The following IGFBP2 variants were observed in gnomAD, a reference collection of about 807,000 sequenced individuals.
IGFBP2 encodes the protein insulin like growth factor binding protein 2.
A neutral mutation model predicts 26.2 loss-of-function variants in IGFBP2; 12 were observed. That is an observed-to-expected ratio of 0.46 (90% CI 0.29 to 0.74). The LOEUF (loss-of-function observed/expected upper bound fraction) is 0.74, where lower values mean the gene tolerates loss of function less well. Among genes scored for constraint, IGFBP2 ranks in the 30% least tolerant of loss-of-function variants. IGFBP2 has a pLI of 0.09. For synonymous variants in IGFBP2, 189 were observed against 200.6 expected (o/e 0.94, Z 0.49); for missense variants, 328 against 441.2 (o/e 0.74, Z 2.30).
chr2:216,633,580 G>GCTGCTGCC lies in IGFBP2; in HGVS notation c.64_65insCCTGCTGC (p.Leu22ProfsTer149). ...CGCTGCCGCCGCCGCCGCTGCTGCCGCTGCTGCTGCTGCTACTGGGCGCGA... is the reference window on the plus strand; with the variant it reads ...CGCTGCCGCCGCCGCCGCTGCTGCCGCTGCTGCCCTGCTGCTGCTGCTACTGGGCGCGA... On this transcript the variant is annotated frameshift_variant, in exon 1 of 4. Transcript: ENST00000233809. LOFTEE classifies it high-confidence loss of function. 9.8e-7 allele frequency: 1 copy of GCTGCTGCC among 1,015,918 alleles called. No individual in the cohort carries two copies. Among genetic ancestry groups the GCTGCTGCC allele is most frequent in the Non-Finnish European group, 1.2e-6 (1 of 853,334 alleles). 62.9% of individuals were successfully genotyped at this position (1,015,918 alleles called of 1,614,324 possible).
At chr2:216,641,396 T>C (rs577856215) in intron 1 of IGFBP2, among the ~76,000 whole-genome samples, 11 of 152,314 alleles carry the variant, frequency 7.2e-5, no homozygotes, top group Admixed American at 7.2e-4. Context: ...AAATTGATAG[T>C]ATTTCATTGG....
At chr2:216,634,793 T>C (rs1328289992) in intron 1 of IGFBP2, among the ~76,000 whole-genome samples, 1 of 131,328 alleles carries the variant, frequency 7.6e-6, no homozygotes, top group Non-Finnish European at 1.6e-5. Context: ...AGGGACCCTT[T>C]CCTGTAGGAT....
At chr2:216,641,736 C>T (rs987227458) in intron 1 of IGFBP2, among the ~76,000 whole-genome samples, 11 of 146,608 alleles carry the variant, frequency 7.5e-5, no homozygotes, top group African/African-American at 2.8e-4. Flanking sequence ...GTCGCCCAGG[C>T]TGGAGTGCAG....
intron 1 of IGFBP2, among the ~76,000 whole-genome samples, chr2:216,642,406 A>T (rs1485164674): frequency 6.8e-6 from 1 of 146,744 alleles, no homozygotes; most frequent in East Asian, 2.0e-4. Flanking sequence ...CCTGGGGTTG[A>T]TGCCATTTTC....
intron 1 of IGFBP2, among the ~76,000 whole-genome samples, chr2:216,643,695 T>G (rs1017732742): frequency 3.9e-5 from 6 of 152,032 alleles, no homozygotes; most frequent in African/African-American, 1.4e-4. Context: ...AAAAATCTCA[T>G]AATGTTTTAA....
intron 1 of IGFBP2, among the ~76,000 whole-genome samples, chr2:216,649,153 C>T (rs1697771052): frequency 6.6e-6 from 1 of 152,074 alleles, no homozygotes; most frequent in Admixed American, 6.5e-5. Flanking sequence ...CAATATTGTC[C>T]AAATTGTTTT....
At chr2:216,637,215 G>T (rs1269903346) in intron 1 of IGFBP2, among the ~76,000 whole-genome samples, 1 of 152,124 alleles carries the variant, frequency 6.6e-6, no homozygotes, top group Non-Finnish European at 1.5e-5. Flanking sequence ...CCCCCATCTG[G>T]ACAGAACTCC....
In IGFBP2 at chr2:216,637,226, C is replaced by G. The variant is rs9341110; in HGVS notation, c.442+3261C>G. ...CCTCCCCCCATCTGGACAGAACTCC[C>G]GGCACTAGTTCTGCTAAGCAGCGCT... On this transcript the variant is annotated intron_variant, in intron 1 of 3. Coordinates refer to ENST00000233809, the MANE Select transcript of IGFBP2 (RefSeq NM_000597.3). 9.3e-3 allele frequency among the ~76,000 whole-genome samples: 1,415 copies of G among 152,296 alleles called. 14 individuals carry two copies. Among genetic ancestry groups the G allele is most frequent in the African/African-American group, 0.032 (1,328 of 41,570 alleles).
At chr2:216,663,787 C>A in intron 3 of IGFBP2, 153 bp from the exon 4 acceptor site, 1 of 709,042 alleles carries the variant, frequency 1.4e-6, no homozygotes, top group Non-Finnish European at 2.3e-6. Flanking sequence ...TGCATTTTAT[C>A]AAGGTTTCCT....
chr2:216,655,521 C>T (rs1467503846), intron 1 of IGFBP2, among the ~76,000 whole-genome samples: 1 of 152,200 alleles, frequency 6.6e-6, no homozygotes, highest in African/African-American at 2.4e-5. Context: ...TGAGGCCTCC[C>T]CGCCATGCTG....
intron 1 of IGFBP2, among the ~76,000 whole-genome samples, chr2:216,641,944 C>A (rs1410720754): frequency 6.6e-6 from 1 of 150,696 alleles, no homozygotes; most frequent in African/African-American, 2.4e-5. Context: ...CCTACCTCAG[C>A]CTCCCAAAGT....
intron 1 of IGFBP2, among the ~76,000 whole-genome samples, chr2:216,642,922 G>T (rs1444319107): frequency 1.3e-5 from 2 of 152,132 alleles, no homozygotes; most frequent in African/African-American, 4.8e-5. Flanking sequence ...GTGGGGGAAG[G>T]TCCTCTCTGT....
intron 1 of IGFBP2, among the ~76,000 whole-genome samples, chr2:216,652,660 G>A (rs1031582013): frequency 4.6e-5 from 7 of 152,300 alleles, no homozygotes; most frequent in South Asian, 2.1e-4. Flanking sequence ...TAATGGAGTC[G>A]TCTAGAGAGC....
At chr2:216,663,542 A>G in intron 3 of IGFBP2, 1 of 174,218 alleles carries the variant, frequency 5.7e-6, no homozygotes, top group Non-Finnish European at 1.2e-5. Flanking sequence ...GCACACACTG[A>G]TTTTGATTGC....
At chr2:216,635,022 G>A (rs142865593) in intron 1 of IGFBP2, among the ~76,000 whole-genome samples, 2 of 151,100 alleles carry the variant, frequency 1.3e-5, no homozygotes, top group African/African-American at 4.9e-5. Flanking sequence ...AAAAGCAAGT[G>A]AGTCTTAAGT....
At chr2:216,658,008 C>A (rs1248981689) in intron 1 of IGFBP2, among the ~76,000 whole-genome samples, 1 of 152,052 alleles carries the variant, frequency 6.6e-6, no homozygotes, top group Non-Finnish European at 1.5e-5. Flanking sequence ...CCAAGATCAT[C>A]GTCATCAACG....
intron 3 of IGFBP2, 140 bp downstream of exon 3, chr2:216,662,138 T>A (rs901263864): frequency 1.4e-5 from 14 of 985,598 alleles, no homozygotes; most frequent in Non-Finnish European, 2.1e-5. Context: ...ACCATGGGGA[T>A]TGGGATGCCA....
chr2:216,648,986 C>T (rs1697767740), intron 1 of IGFBP2, among the ~76,000 whole-genome samples: 2 of 152,206 alleles, frequency 1.3e-5, no homozygotes, highest in African/African-American at 2.4e-5. Flanking sequence ...AAGTCTACCA[C>T]CCAGAACCGT....
At chr2:216,659,737 A>G (rs1009460980) in intron 1 of IGFBP2, 8 of 1,535,470 alleles carry the variant, frequency 5.2e-6, no homozygotes, top group Non-Finnish European at 7.0e-6. Context: ...ACGAAGCTTC[A>G]TGCCCTGCAG....
Sources: allele counts gnomAD v4.1 joint callset (sites outside exome capture counted in the v4.1 genomes callset), GRCh38; gene constraint gnomAD v4.1.1; transcripts MANE v1.5; gene names NCBI Gene and HGNC (gene_info 2026-07-23, HGNC 2026-07-21).